The following IQGAP2 variants were observed in gnomAD, a reference collection of about 807,000 sequenced individuals.
IQGAP2 encodes the protein IQ motif containing GTPase activating protein 2.
In IQGAP2, 173 loss-of-function variants were observed where a neutral mutation model predicts 201.3. The observed-to-expected ratio is 0.86, with a 90% CI of 0.76 to 0.98. The LOEUF is 0.98. Ranked by LOEUF, IQGAP2 falls within the 50% of genes least tolerant of loss-of-function variation. IQGAP2 has a pLI of 0.00. For missense variants in IQGAP2, 1,687 were observed against 1,864.8 expected (o/e 0.90, Z 1.76); for synonymous variants, 675 against 673.9 (o/e 1.00, Z -0.03).
At chr5:76,682,715 G>T (rs1745411728) in intron 28 of IQGAP2, among the ~76,000 whole-genome samples, 2 of 152,172 alleles carry the variant, frequency 1.3e-5, no homozygotes, top group Admixed American at 6.5e-5. Context: ...GAAGATAACT[G>T]TAGTATTTGA....
chr5:76,628,400 T>G (rs1750429572), intron 14 of IQGAP2, among the ~76,000 whole-genome samples: 1 of 152,204 alleles, frequency 6.6e-6, no homozygotes, highest in African/African-American at 2.4e-5. Context: ...ACTTCCCCAC[T>G]TCTGGAGTGC....
intron 15 of IQGAP2, among the ~76,000 whole-genome samples, chr5:76,632,888 A>G (rs144269998): frequency 7.9e-5 from 12 of 152,246 alleles, no homozygotes; most frequent in East Asian, 3.9e-4. Flanking sequence ...CAAGTTTCAT[A>G]TATTTCCAAC....
At chr5:76,414,561 C>G (rs1751311985) in intron 1 of IQGAP2, among the ~76,000 whole-genome samples, 1 of 152,142 alleles carries the variant, frequency 6.6e-6, no homozygotes, top group Non-Finnish European at 1.5e-5. Flanking sequence ...TGGCTCAAGC[C>G]TGTAATCCCA....
chr5:76,633,643 G>C (rs1341729384), intron 15 of IQGAP2, among the ~76,000 whole-genome samples: 1 of 151,996 alleles, frequency 6.6e-6, no homozygotes, highest in East Asian at 1.9e-4. Flanking sequence ...GTTAATTCCA[G>C]AACATTTTCA....
At chr5:76,683,525 A>G (rs1262456948) in intron 29 of IQGAP2, among the ~76,000 whole-genome samples, 3 of 152,228 alleles carry the variant, frequency 2.0e-5, no homozygotes, top group Non-Finnish European at 2.9e-5. Context: ...ACAAAATGAA[A>G]AATACTTTTA....
chr5:76,610,053 T>TCA (rs1748158918), intron 12 of IQGAP2, among the ~76,000 whole-genome samples: 1 of 3,246 alleles, frequency 3.1e-4, no homozygotes, highest in Non-Finnish European at 8.6e-4. Flanking sequence ...TCTCTCTTTC[T>TCA]CTCTCTCTCT....
At chr5:76,463,813 TTTA>T (rs1754622715) in intron 2 of IQGAP2, among the ~76,000 whole-genome samples, 2 of 152,100 alleles carry the variant, frequency 1.3e-5, no homozygotes, top group Admixed American at 6.6e-5. Flanking sequence ...TTATGAATCT[TTTA>T]TTAAGACACA....
intron 2 of IQGAP2, among the ~76,000 whole-genome samples, chr5:76,513,892 C>T (rs1320877091): frequency 6.6e-6 from 1 of 151,604 alleles, no homozygotes; most frequent in Non-Finnish European, 1.5e-5. Context: ...TCCATTGTAA[C>T]AAATGCTCCA....
chr5:76,434,683 T>C (rs1752558145), intron 1 of IQGAP2, among the ~76,000 whole-genome samples: 1 of 152,222 alleles, frequency 6.6e-6, no homozygotes. Context: ...CAGGTGTCTT[T>C]TTTATATAAT....
At chr5:76,559,393 C>T (rs10072548) in intron 2 of IQGAP2, among the ~76,000 whole-genome samples, 48,656 of 152,102 alleles carry the variant, frequency 0.32, 8,206 homozygotes, top group South Asian at 0.5. Context: ...CTCTAATTAC[C>T]ACTGTCAGCA....
At chr5:76,647,396 A>T (rs1234790127) in intron 17 of IQGAP2, among the ~76,000 whole-genome samples, 1 of 152,008 alleles carries the variant, frequency 6.6e-6, no homozygotes, top group Admixed American at 6.6e-5. Flanking sequence ...CTGTGTCCCC[A>T]CCCGAATCTC....
intron 3 of IQGAP2, among the ~76,000 whole-genome samples, chr5:76,564,298 T>C (rs76766344): frequency 0.013 from 1,932 of 152,302 alleles, 39 homozygotes; most frequent in African/African-American, 0.044. Flanking sequence ...TTTTCATTGC[T>C]TTTATTTTGG....
intron 2 of IQGAP2, among the ~76,000 whole-genome samples, chr5:76,511,686 G>GTT (rs70982618): frequency 0.18 from 24,934 of 141,198 alleles, 2,722 homozygotes; most frequent in African/African-American, 0.32. Context: ...GTTTTGTTTT[G>GTT]TTTTTTTTTT....
intron 11 of IQGAP2, among the ~76,000 whole-genome samples, chr5:76,602,686 C>G (rs1404995806): frequency 6.6e-6 from 1 of 152,082 alleles, no homozygotes; most frequent in Non-Finnish European, 1.5e-5. Flanking sequence ...GTATTGGCCC[C>G]AAATGATCTT....
chr5:76,516,067 G>A (rs1028990815), intron 2 of IQGAP2, among the ~76,000 whole-genome samples: 3 of 151,618 alleles, frequency 2.0e-5, no homozygotes, highest in African/African-American at 7.3e-5. Flanking sequence ...ACAGAGACGG[G>A]GTTTTGCCAT....
intron 3 of IQGAP2, among the ~76,000 whole-genome samples, chr5:76,564,344 G>A (rs17680756): frequency 0.058 from 8,809 of 152,174 alleles, 720 homozygotes; most frequent in East Asian, 0.43. Flanking sequence ...GTACCAACAC[G>A]TATGTAGATT....
chr5:76,664,906 T>C (rs1389726696), intron 21 of IQGAP2, 120 bp from the exon 22 acceptor site: 4 of 640,830 alleles, frequency 6.2e-6, no homozygotes, highest in South Asian at 4.1e-5. Flanking sequence ...AGTAAAGCAA[T>C]GCACAATACA....
intron 29 of IQGAP2, 76 bp from the exon 30 acceptor site, chr5:76,683,700 A>G: frequency 7.2e-7 from 1 of 1,386,942 alleles, no homozygotes; most frequent in Non-Finnish European, 9.8e-7. Flanking sequence ...TTCCCACAGA[A>G]CCTTTATCTT....
At chr5:76,703,979 C>G (rs749452771) in intron 35 of IQGAP2, among the ~76,000 whole-genome samples, 2 of 152,044 alleles carry the variant, frequency 1.3e-5, no homozygotes, top group East Asian at 3.8e-4. Context: ...TTCTGGCAGC[C>G]CTTGTAAGTT....
Sources: gnomAD v4.1 joint callset for allele counts (sites outside exome capture counted in the v4.1 genomes callset) on GRCh38, gnomAD v4.1.1 for gene constraint, MANE v1.5 for transcripts, NCBI Gene and HGNC (gene_info 2026-07-23, HGNC 2026-07-21) for gene names.